AMOT: variants seen among roughly 807,000 people sequenced by gnomAD.
AMOT encodes angiomotin.
Under a neutral mutation model 67.0 loss-of-function variants are expected in AMOT, and 11 were observed. The ratio of observed to expected loss-of-function variants is 0.16; its 90% CI spans 0.10 to 0.27. AMOT has a LOEUF of 0.27. Ranked by LOEUF, AMOT falls within the 10% of genes least tolerant of loss-of-function variation. The pLI, the probability that AMOT is intolerant of heterozygous loss-of-function variation, is 1.00. For synonymous variants in AMOT, 326 were observed against 321.4 expected (o/e 1.01, Z -0.15); for missense variants, 753 against 852.0 (o/e 0.88, Z 1.45).
chrX:112,832,661 G>T (rs1269893655), intron 1 of AMOT, among the ~76,000 whole-genome samples: 1 of 112,197 alleles, frequency 8.9e-6, no homozygotes, highest in African/African-American at 3.2e-5. Flanking sequence ...GCAAGTGAGT[G>T]AGCTGCATCT....
intron 10 of AMOT, among the ~76,000 whole-genome samples, chrX:112,787,188 T>C (rs1602756928): frequency 8.9e-6 from 1 of 112,135 alleles, no homozygotes; most frequent in African/African-American, 3.2e-5. Context: ...GGGGTATAAA[T>C]AGACCACCTA....
In AMOT at chrX:112,780,962, G is replaced by T; in HGVS notation, c.2397C>A (p.Leu799=). ...MSISNAGSGL[L]SHSSTLTGSP... ...AGCCAGTCAGGGTGGATGAGTGGGA[G>T]AGCAAGCCTGATCCAGCATTGGAAA... Residue 799 remains leucine (L), a synonymous_variant, in exon 12 of 14, where the codon CTC becomes CTA. Coordinates refer to ENST00000371959, the MANE Select transcript of AMOT (RefSeq NM_001113490.2). The T allele has an allele frequency of 8.3e-7, 1 of 1,211,982 alleles. No individual in the cohort carries two copies. Among genetic ancestry groups the T allele is most frequent in the Non-Finnish European group, 1.1e-6 (1 of 895,582 alleles).
chrX:112,782,711 G>A, intron 10 of AMOT, 49 bp from the exon 11 acceptor site: 1 of 1,163,901 alleles, frequency 8.6e-7, no homozygotes, highest in Non-Finnish European at 1.2e-6. Context: ...CAAGATCAAT[G>A]AATGTTATCT....
chrX:112,811,650 G>A (rs1411815866), intron 5 of AMOT, among the ~76,000 whole-genome samples: 3 of 111,379 alleles, frequency 2.7e-5, no homozygotes, highest in Non-Finnish European at 5.7e-5. Flanking sequence ...CAGAGGAGAT[G>A]GTAAGATAGA....
intron 10 of AMOT, among the ~76,000 whole-genome samples, chrX:112,785,289 G>T (rs1249384833): frequency 2.7e-5 from 3 of 111,295 alleles, no homozygotes; most frequent in African/African-American, 9.8e-5. Context: ...TCTTTTTTTT[G>T]ACGAAGTTAT....
intron 10 of AMOT, among the ~76,000 whole-genome samples, chrX:112,785,757 A>C (rs1272320217): frequency 8.9e-6 from 1 of 112,316 alleles, no homozygotes; most frequent in Non-Finnish European, 1.9e-5. Flanking sequence ...AGATCATGAA[A>C]CTATGCACCA....
At chrX:112,790,839 G>A (rs1190325565) in intron 9 of AMOT, 57 bp from the exon 10 acceptor site, 2 of 1,029,446 alleles carry the variant, frequency 1.9e-6, no homozygotes, top group Non-Finnish European at 2.6e-6. Context: ...CATGGTGTCT[G>A]AGCCCCTATT....
At chrX:112,803,521 T>C (rs1280315871) in intron 8 of AMOT, among the ~76,000 whole-genome samples, 1 of 112,388 alleles carries the variant, frequency 8.9e-6, no homozygotes, top group Non-Finnish European at 1.9e-5. Flanking sequence ...AGTTCTAATA[T>C]AGACAACTGA....
intron 7 of AMOT, among the ~76,000 whole-genome samples, chrX:112,806,376 T>TATATATATACTTGC (rs1569398659): frequency 1.3e-4 from 14 of 104,876 alleles, no homozygotes; most frequent in Admixed American, 8.3e-4. Context: ...TATATATATA[T>TATATATATACTTGC]ATATATACTT....
intron 4 of AMOT, among the ~76,000 whole-genome samples, chrX:112,818,226 C>G (rs1428579561): frequency 9.0e-6 from 1 of 111,226 alleles, no homozygotes; most frequent in Non-Finnish European, 1.9e-5. Flanking sequence ...CACAGCTCCC[C>G]TGGGCCTCAT....
At chrX:112,787,471 T>C (rs1933402266) in intron 10 of AMOT, among the ~76,000 whole-genome samples, 1 of 111,556 alleles carries the variant, frequency 9.0e-6, no homozygotes, top group Non-Finnish European at 1.9e-5. Context: ...AAATTATAAT[T>C]TTATGACAAA....
intron 7 of AMOT, 91 bp from the exon 8 acceptor site, chrX:112,805,183 T>C (rs1934135051): frequency 2.5e-5 from 26 of 1,039,338 alleles, no homozygotes; most frequent in Non-Finnish European, 3.3e-5. Context: ...CTTTACTAGA[T>C]AGCCTACTGC....
chrX:112,817,332 G>A (rs750420945), intron 4 of AMOT, among the ~76,000 whole-genome samples: 1 of 112,417 alleles, frequency 8.9e-6, no homozygotes, highest in East Asian at 2.8e-4. Flanking sequence ...AGTGAGATAA[G>A]CTGACCTTGT....
intron 10 of AMOT, among the ~76,000 whole-genome samples, chrX:112,790,227 T>C (rs1460007126): frequency 9.3e-6 from 1 of 107,908 alleles, no homozygotes; most frequent in African/African-American, 3.4e-5. Flanking sequence ...TGAGTGGTAG[T>C]TTCTCTGGAG....
intron 8 of AMOT, among the ~76,000 whole-genome samples, chrX:112,799,602 G>A (rs143547941): frequency 0.014 from 1,581 of 111,951 alleles, 9 homozygotes; most frequent in Middle Eastern, 0.037. Context: ...GGAGCCACTG[G>A]ATCCAAGTAA....
chrX:112,779,669 C>G lies in AMOT; in HGVS notation c.2485G>C (p.Gly829Arg). 1 of 1,189,724 alleles carries G rather than the reference C, an allele frequency of 8.4e-7. No homozygotes were observed. Among genetic ancestry groups the G allele is most frequent in the Non-Finnish European group, 1.1e-6 (1 of 880,869 alleles). ...SWKGSLGILL[G>R]GDYRAEYVPS... ...ACATATTCAGCACGGTAGTCTCCAC[C>G]CAGGAGAATGCCTACAAATGAAAGA... Residue 829 changes from glycine to arginine, a missense_variant, in exon 13 of 14, where the codon GGT (glycine) becomes CGT (arginine). Transcript: ENST00000371959.
intron 8 of AMOT, among the ~76,000 whole-genome samples, chrX:112,802,531 G>A (rs765330933): frequency 1.8e-5 from 2 of 112,228 alleles, no homozygotes; most frequent in South Asian, 3.7e-4. Flanking sequence ...CTGAGATTCC[G>A]CTGGGTAGAG....
chrX:112,823,151 AAG>A lies in AMOT; in HGVS notation c.-27_-26del, dbSNP rs1222682440. On this transcript the variant is annotated 5_prime_UTR_variant, in exon 4 of 14. Coordinates refer to ENST00000371959, the MANE Select transcript of AMOT (RefSeq NM_001113490.2). Reference sequence around the variant, plus strand: ...TCTCTATTGCTGGTGGTGCCTTGTGAAGAGAGAGAGAAATTGGGCACCTGGGC... The same window carrying A: ...TCTCTATTGCTGGTGGTGCCTTGTGAAGAGAGAGAAATTGGGCACCTGGGC... The A allele has an allele frequency of 2.7e-6, 3 of 1,131,713 alleles. No individual in the cohort carries two copies. The highest frequency in any genetic ancestry group is 2.8e-5 in the Admixed American group (1 of 35,139). 93.3% of individuals were successfully genotyped at this position (1,131,713 alleles called of 1,213,427 possible).
At chrX:112,823,388 T>C (rs1934763985) in intron 3 of AMOT, among the ~76,000 whole-genome samples, 200 bp from the exon 4 acceptor site, 1 of 111,791 alleles carries the variant, frequency 8.9e-6, no homozygotes, top group Non-Finnish European at 1.9e-5. Context: ...GAGCTCTAGG[T>C]TTTCTCTTTC....
Sources: allele counts gnomAD v4.1 joint callset (sites outside exome capture counted in the v4.1 genomes callset), GRCh38; gene constraint gnomAD v4.1.1; transcripts MANE v1.5; gene names NCBI Gene and HGNC (gene_info 2026-07-23, HGNC 2026-07-21).